HERC3: variants seen among roughly 807,000 people sequenced by gnomAD.
HERC3 encodes HECT and RLD domain containing E3 ubiquitin protein ligase 3, also known as probable E3 ubiquitin-protein ligase HERC3.
In HERC3, 58 loss-of-function variants were observed where a neutral mutation model predicts 129.9. The observed-to-expected ratio is 0.45, with a 90% CI of 0.36 to 0.56. The LOEUF (loss-of-function observed/expected upper bound fraction) is 0.56, where lower values mean the gene tolerates loss of function less well. Ranked by LOEUF, HERC3 falls within the 20% of genes least tolerant of loss-of-function variation. The pLI is 0.00. For synonymous variants in HERC3, 430 were observed against 451.0 expected, an observed-to-expected ratio of 0.95 and a Z score of 0.59; for missense variants, 835 against 1,244.2, an observed-to-expected ratio of 0.67 and a Z score of 4.95.
intron 25 of HERC3, 23 bp from the exon 26 acceptor site, chr4:88,706,729 A>C: frequency 1.2e-6 from 2 of 1,607,604 alleles, no homozygotes; most frequent in Non-Finnish European, 1.7e-6. Context: ...TTAGCTGCTA[A>C]TGCCATTTCT....
the HERC3 span, among the ~76,000 whole-genome samples, chr4:88,557,744 T>C: frequency 6.6e-6 from 1 of 151,998 alleles, no homozygotes; most frequent in South Asian, 2.1e-4. Context: ...TGGAAAACAG[T>C]ATGGAGATTT....
At chr4:88,704,863 C>CTTTTTTTTTTTTTTTTT (rs1165694315) in intron 25 of HERC3, among the ~76,000 whole-genome samples, 19 of 130,666 alleles carry the variant, frequency 1.5e-4, no homozygotes, top group African/African-American at 5.4e-4. Context: ...TTCTTTCTTT[C>CTTTTTTTTTTTTTTTTT]TTTTTTTTTT....
At chr4:88,612,795 C>T (rs1416665860) in intron 3 of HERC3, among the ~76,000 whole-genome samples, 2 of 151,908 alleles carry the variant, frequency 1.3e-5, no homozygotes, top group Admixed American at 1.3e-4. Flanking sequence ...GTGTGCCTTC[C>T]CCACTTTTTT....
chr4:88,625,302 A>G (rs192087991), intron 3 of HERC3, among the ~76,000 whole-genome samples: 89 of 152,270 alleles, frequency 5.8e-4, no homozygotes, highest in African/African-American at 2.0e-3. Context: ...CATTTTAACA[A>G]TGTTGGATCT....
intron 1 of HERC3, chr4:88,593,137 A>G (rs1306734859): frequency 2.0e-5 from 3 of 151,984 alleles, no homozygotes; most frequent in Non-Finnish European, 4.4e-5. Context: ...CCGCGATGAC[A>G]GCGCCGGCAG....
intron 23 of HERC3, chr4:88,693,275 T>C (rs1734259817): frequency 1.0e-6 from 1 of 976,380 alleles, no homozygotes; most frequent in Non-Finnish European, 1.2e-6. Flanking sequence ...TTAAATTTGC[T>C]TTTTAATGAT....
At chr4:88,526,190 G>A in the HERC3 span, among the ~76,000 whole-genome samples, 1 of 152,186 alleles carries the variant, frequency 6.6e-6, no homozygotes, top group Non-Finnish European at 1.5e-5. Context: ...AAAGCACAAG[G>A]TACTTCTGGG....
At chr4:88,660,549 G>GC (rs1730385749) in intron 10 of HERC3, among the ~76,000 whole-genome samples, 1 of 152,132 alleles carries the variant, frequency 6.6e-6, no homozygotes. Context: ...TTACTGCCAG[G>GC]CCTTAGGTGA....
At chr4:88,658,636 C>T (rs976344725) in intron 10 of HERC3, 145 bp downstream of exon 10, 30 of 481,554 alleles carry the variant, frequency 6.2e-5, no homozygotes, top group African/African-American at 2.0e-5. Flanking sequence ...CAAACTAAAT[C>T]TGGAAGAAGT....
chr4:88,666,015 C>T (rs962123780), intron 12 of HERC3, among the ~76,000 whole-genome samples: 1 of 152,146 alleles, frequency 6.6e-6, no homozygotes, highest in Non-Finnish European at 1.5e-5. Context: ...TAGAACCCAG[C>T]GATGCTGCTA....
intron 2 of HERC3, among the ~76,000 whole-genome samples, chr4:88,604,876 C>T (rs969429234): frequency 2.0e-5 from 3 of 152,110 alleles, no homozygotes; most frequent in African/African-American, 7.2e-5. Flanking sequence ...TCTAATAGCC[C>T]CACATTATCA....
intron 19 of HERC3, among the ~76,000 whole-genome samples, chr4:88,679,151 T>C (rs1027453480): frequency 1.3e-5 from 2 of 152,242 alleles, no homozygotes; most frequent in African/African-American, 4.8e-5. Flanking sequence ...TGCATAAGGC[T>C]GTTCTGAGGA....
chr4:88,547,530 C>T, the HERC3 span, among the ~76,000 whole-genome samples: 2 of 152,176 alleles, frequency 1.3e-5, no homozygotes, highest in African/African-American at 4.8e-5. Flanking sequence ...CCACTCCACT[C>T]GCAGCCCTAG....
chr4:88,677,817 AC>A (rs1732329449), intron 18 of HERC3, 146 bp from the exon 19 acceptor site: 1 of 637,280 alleles, frequency 1.6e-6, no homozygotes, highest in Non-Finnish European at 2.7e-6. Context: ...AACATAAGTA[AC>A]TTAGAAAATC....
chr4:88,698,562 C>A (rs1734921147), intron 23 of HERC3, among the ~76,000 whole-genome samples: 1 of 145,382 alleles, frequency 6.9e-6, no homozygotes. Context: ...TTGAGGAGGG[C>A]TGAAAAAAAG....
At chr4:88,624,952 A>T (rs1725930336) in intron 3 of HERC3, among the ~76,000 whole-genome samples, 1 of 152,136 alleles carries the variant, frequency 6.6e-6, no homozygotes, top group Non-Finnish European at 1.5e-5. Context: ...TATTGAAAAG[A>T]CTGTATATCC....
intron 19 of HERC3, 70 bp from the exon 20 acceptor site, chr4:88,680,023 G>C: frequency 7.5e-7 from 1 of 1,339,548 alleles, no homozygotes; most frequent in Admixed American, 2.2e-5. Context: ...TTTAGAAAAT[G>C]GTCTGCTAAA....
the HERC3 span, among the ~76,000 whole-genome samples, chr4:88,538,359 T>C: frequency 1.3e-5 from 2 of 152,182 alleles, no homozygotes; most frequent in Non-Finnish European, 2.9e-5. Context: ...AGGCCTGCTA[T>C]AACAAAGTAC....
rs566776577 is a variant in HERC3, at chr4:88,707,401, C to T, written c.*441C>T. 1.8e-3 allele frequency: 295 copies of T among 163,136 alleles called. No homozygotes were observed. Among genetic ancestry groups the T allele is most frequent in the African/African-American group, 6.7e-3 (279 of 41,630 alleles). The allele number at this position is 163,136 out of a possible 1,614,324, so 10.1% of individuals were successfully genotyped here. A position where few individuals can be genotyped will look rare whatever the true frequency, so the allele number is the denominator to read the frequency against. On this transcript the variant is annotated 3_prime_UTR_variant, in exon 26 of 26. Transcript: ENST00000402738. ...AGACTGACCTGTCCTTTTTTATCTG[C>T]GCATGCGAGAACATCACCTTCCTCT...
Sources: gnomAD v4.1 joint callset for allele counts (sites outside exome capture counted in the v4.1 genomes callset) on GRCh38, gnomAD v4.1.1 for gene constraint, MANE v1.5 for transcripts, NCBI Gene and HGNC (gene_info 2026-07-23, HGNC 2026-07-21) for gene names.